PLPPR1: variants seen among roughly 807,000 people sequenced by gnomAD.
PLPPR1 encodes phospholipid phosphatase-related protein type 1.
Under a neutral mutation model 33.1 loss-of-function variants are expected in PLPPR1, and 10 were observed. That is an observed-to-expected ratio of 0.30 (90% CI 0.19 to 0.51). The LOEUF (loss-of-function observed/expected upper bound fraction) is 0.51. PLPPR1 is among the 20% of genes least tolerant of loss of function. The pLI is 0.97. For synonymous variants in PLPPR1, 151 were observed against 151.0 expected, an observed-to-expected ratio of 1.00 and a Z score of 0.00; for missense variants, 304 against 408.1, an observed-to-expected ratio of 0.74 and a Z score of 2.20.
At chr9:101,273,639 A>C (rs1446708406) in intron 3 of PLPPR1, among the ~76,000 whole-genome samples, 1 of 152,252 alleles carries the variant, frequency 6.6e-6, no homozygotes, top group East Asian at 1.9e-4. Flanking sequence ...GGATGTTGCA[A>C]GTATAATCCC....
At chr9:101,224,430 T>C (rs767579739) in intron 2 of PLPPR1, among the ~76,000 whole-genome samples, 42 of 152,192 alleles carry the variant, frequency 2.8e-4, no homozygotes, top group Non-Finnish European at 5.9e-4. Context: ...AACTCAAAGT[T>C]AATGATGCTC....
chr9:101,253,470 C>A (rs1244717213), intron 2 of PLPPR1, among the ~76,000 whole-genome samples: 3 of 151,854 alleles, frequency 2.0e-5, no homozygotes, highest in Admixed American at 6.6e-5. Context: ...TTGCTTGAAC[C>A]CAGGAGGCTG....
chr9:101,287,081 A>C (rs1261884997), intron 4 of PLPPR1, among the ~76,000 whole-genome samples: 1 of 152,224 alleles, frequency 6.6e-6, no homozygotes, highest in Non-Finnish European at 1.5e-5. Context: ...AATTTCTTCA[A>C]GTAATAAGCA....
intron 2 of PLPPR1, among the ~76,000 whole-genome samples, chr9:101,236,958 A>G (rs951954105): frequency 2.0e-5 from 3 of 151,804 alleles, no homozygotes; most frequent in Non-Finnish European, 4.4e-5. Flanking sequence ...GTTAATATCC[A>G]GAATCTACAA....
intron 1 of PLPPR1, among the ~76,000 whole-genome samples, chr9:101,121,277 C>A (rs72741431): frequency 0.15 from 23,465 of 152,184 alleles, 2,076 homozygotes; most frequent in Non-Finnish European, 0.2. Context: ...AGATATTGTG[C>A]TAAGCACTTT....
intron 2 of PLPPR1, among the ~76,000 whole-genome samples, chr9:101,189,125 C>G (rs867110814): frequency 9.2e-5 from 14 of 152,016 alleles, no homozygotes; most frequent in African/African-American, 3.4e-4. Context: ...AACATGTGCT[C>G]AAAGTGGTCA....
At chr9:101,115,574 G>C (rs1310283139) in intron 1 of PLPPR1, among the ~76,000 whole-genome samples, 2 of 152,180 alleles carry the variant, frequency 1.3e-5, no homozygotes, top group Non-Finnish European at 2.9e-5. Flanking sequence ...GAAAATCATT[G>C]ATGTAAGAGA....
At chr9:101,175,445 G>T (rs1046276703) in intron 1 of PLPPR1, among the ~76,000 whole-genome samples, 6 of 152,000 alleles carry the variant, frequency 3.9e-5, no homozygotes, top group African/African-American at 2.4e-5. Context: ...CTAAAAAGTG[G>T]GTCCTAGGCA....
At chr9:101,242,987 C>T (rs1459033069) in intron 2 of PLPPR1, among the ~76,000 whole-genome samples, 4 of 151,994 alleles carry the variant, frequency 2.6e-5, no homozygotes, top group East Asian at 1.9e-4. Context: ...AAAGAGGTTT[C>T]GCAGTGCCTG....
intron 1 of PLPPR1, among the ~76,000 whole-genome samples, chr9:101,178,896 T>G (rs2118703587): frequency 6.6e-6 from 1 of 152,302 alleles, no homozygotes; most frequent in African/African-American, 2.4e-5. Flanking sequence ...TTCCTGTTCC[T>G]GCGACATTAT....
At chr9:101,144,465 T>C (rs1260748431) in intron 1 of PLPPR1, among the ~76,000 whole-genome samples, 1 of 152,098 alleles carries the variant, frequency 6.6e-6, no homozygotes, top group Non-Finnish European at 1.5e-5. Flanking sequence ...CCTAATCCAA[T>C]GATGGGTGTC....
chr9:101,268,137 G>T (rs1165836598), intron 2 of PLPPR1, among the ~76,000 whole-genome samples: 3 of 151,962 alleles, frequency 2.0e-5, no homozygotes, highest in Non-Finnish European at 4.4e-5. Context: ...AGCATTAGGA[G>T]ATATACCTAA....
At chr9:101,285,653 T>C (rs1307880547) in intron 3 of PLPPR1, among the ~76,000 whole-genome samples, 1 of 152,212 alleles carries the variant, frequency 6.6e-6, no homozygotes, top group African/African-American at 2.4e-5. Flanking sequence ...CAGTATGTCA[T>C]TTCACTTAAA....
intron 4 of PLPPR1, among the ~76,000 whole-genome samples, chr9:101,299,122 C>A (rs1828700838): frequency 6.6e-6 from 1 of 152,206 alleles, no homozygotes; most frequent in Non-Finnish European, 1.5e-5. Flanking sequence ...AAGAGCAAGG[C>A]AGGACATGGG....
chr9:101,188,466 C>G (rs1826241325), intron 2 of PLPPR1, among the ~76,000 whole-genome samples: 1 of 151,778 alleles, frequency 6.6e-6, no homozygotes, highest in African/African-American at 2.4e-5. Context: ...TTTATTTCTT[C>G]TTTTCCAATT....
intron 3 of PLPPR1, among the ~76,000 whole-genome samples, chr9:101,285,879 A>G (rs1362913354): frequency 6.6e-6 from 1 of 152,240 alleles, no homozygotes; most frequent in Non-Finnish European, 1.5e-5. Flanking sequence ...ATGTGACCTT[A>G]GATTTTAATA....
At chr9:101,134,692 A>C (rs1831357514) in intron 1 of PLPPR1, among the ~76,000 whole-genome samples, 1 of 152,166 alleles carries the variant, frequency 6.6e-6, no homozygotes, top group Non-Finnish European at 1.5e-5. Flanking sequence ...CTAGAACAGG[A>C]AAAATTGAAA....
At chr9:101,292,110 C>A (rs990401409) in intron 4 of PLPPR1, among the ~76,000 whole-genome samples, 1 of 152,202 alleles carries the variant, frequency 6.6e-6, no homozygotes, top group Non-Finnish European at 1.5e-5. Context: ...GCTGATGGAG[C>A]TGCAAGCCAA....
At chr9:101,040,702 C>T (rs1830067168) in intron 1 of PLPPR1, among the ~76,000 whole-genome samples, 1 of 152,174 alleles carries the variant, frequency 6.6e-6, no homozygotes, top group African/African-American at 2.4e-5. Context: ...ATCTTTAACT[C>T]TTTACTCTGA....
Sources: gnomAD v4.1 joint callset for allele counts (sites outside exome capture counted in the v4.1 genomes callset) on GRCh38, gnomAD v4.1.1 for gene constraint, MANE v1.5 for transcripts, NCBI Gene and HGNC (gene_info 2026-07-23, HGNC 2026-07-21) for gene names.